RPH3A: variants seen among roughly 807,000 people sequenced by gnomAD.
RPH3A encodes rabphilin-3A.
A neutral mutation model predicts 102.2 loss-of-function variants in RPH3A; 48 were observed. That is an observed-to-expected ratio of 0.47 (90% CI 0.37 to 0.60). The LOEUF (loss-of-function observed/expected upper bound fraction) is 0.60. RPH3A is among the 20% of genes least tolerant of loss of function. The pLI, the probability that RPH3A is intolerant of heterozygous loss-of-function variation, is 0.00. For synonymous variants in RPH3A, 310 were observed against 324.3 expected (o/e 0.96, Z 0.47); for missense variants, 781 against 910.1 (o/e 0.86, Z 1.83).
chr12:112,730,575 T>A (rs1458445893), intron 1 of RPH3A, among the ~76,000 whole-genome samples: 1 of 152,190 alleles, frequency 6.6e-6, no homozygotes, highest in Non-Finnish European at 1.5e-5. Flanking sequence ...CCAGCATCTC[T>A]CTCCGCCCAA....
chr12:112,599,265 C>G (rs902198996), intron 1 of RPH3A, among the ~76,000 whole-genome samples: 1 of 152,174 alleles, frequency 6.6e-6, no homozygotes, highest in Non-Finnish European at 1.5e-5. Context: ...GCTTATAAGG[C>G]TTATGAGGGC....
intron 2 of RPH3A, among the ~76,000 whole-genome samples, chr12:112,825,686 A>G (rs2041856665): frequency 6.6e-6 from 1 of 151,916 alleles, no homozygotes; most frequent in Admixed American, 6.6e-5. Flanking sequence ...TAGGCGCCAG[A>G]CTCTATGCTA....
chr12:112,596,140 T>C (rs1033904165), intron 1 of RPH3A, among the ~76,000 whole-genome samples: 3 of 151,994 alleles, frequency 2.0e-5, no homozygotes, highest in Non-Finnish European at 4.4e-5. Flanking sequence ...GGTCTCTTCA[T>C]TTTTTTGTTT....
At chr12:112,844,174 C>A (rs2042193229) in intron 4 of RPH3A, among the ~76,000 whole-genome samples, 1 of 152,162 alleles carries the variant, frequency 6.6e-6, no homozygotes, top group African/African-American at 2.4e-5. Context: ...AGGACCTGAG[C>A]CTTGCTTCTA....
intron 19 of RPH3A, chr12:112,893,919 T>C (rs1428592744): frequency 5.3e-5 from 8 of 152,326 alleles, no homozygotes; most frequent in Non-Finnish European, 7.3e-5. Context: ...AACAGTTTGC[T>C]CAAAGGCCCT....
At chr12:112,699,381 A>G (rs2040375746) in intron 1 of RPH3A, among the ~76,000 whole-genome samples, 1 of 152,256 alleles carries the variant, frequency 6.6e-6, no homozygotes, top group Admixed American at 6.5e-5. Flanking sequence ...GACAACACAG[A>G]TGTCTGTCAA....
In RPH3A at chr12:112,875,082, A is replaced by G; in HGVS notation, c.797-2A>G. ...GGCTGTTTTCTTTTCTTTCCTCTGC[A>G]GGTTTGAGACGGGCCAACTCAGTCC... On this transcript the variant is annotated splice_acceptor_variant, in intron 10 of 21. Transcript: ENST00000389385. LOFTEE classifies it high-confidence loss of function. The G allele has an allele frequency of 6.2e-7, 1 of 1,605,518 alleles. No homozygotes were observed. The highest frequency in any genetic ancestry group is 8.5e-7 in the Non-Finnish European group (1 of 1,176,366).
At chr12:112,608,972 A>T (rs1429583801) in intron 1 of RPH3A, among the ~76,000 whole-genome samples, 1 of 152,250 alleles carries the variant, frequency 6.6e-6, no homozygotes, top group Non-Finnish European at 1.5e-5. Context: ...TAAATAAAAT[A>T]AAAAATTCAC....
At chr12:112,663,906 C>G (rs969247302) in intron 1 of RPH3A, among the ~76,000 whole-genome samples, 2 of 152,076 alleles carry the variant, frequency 1.3e-5, no homozygotes, top group Non-Finnish European at 2.9e-5. Flanking sequence ...CAAAGAAGAC[C>G]ACTGTCCATT....
At chr12:112,757,711 A>C (rs2040830823) in intron 1 of RPH3A, among the ~76,000 whole-genome samples, 1 of 152,204 alleles carries the variant, frequency 6.6e-6, no homozygotes, top group Non-Finnish European at 1.5e-5. Context: ...GCCCTCTCCC[A>C]GGGCTAAGAA....
intron 1 of RPH3A, among the ~76,000 whole-genome samples, chr12:112,708,015 T>A (rs2040436636): frequency 1.3e-5 from 2 of 152,266 alleles, no homozygotes; most frequent in Admixed American, 6.5e-5. Context: ...GCTGAAGTCG[T>A]GGGACGGGAA....
intron 1 of RPH3A, among the ~76,000 whole-genome samples, chr12:112,743,188 A>G (rs1263039815): frequency 1.3e-5 from 2 of 152,230 alleles, no homozygotes; most frequent in Non-Finnish European, 2.9e-5. Context: ...GTAAGGTAAC[A>G]TAGTCACAGG....
At chr12:112,864,386 G>A (rs2042571938) in intron 5 of RPH3A, among the ~76,000 whole-genome samples, 1 of 150,862 alleles carries the variant, frequency 6.6e-6, no homozygotes, top group African/African-American at 2.4e-5. Flanking sequence ...GGGAGGCAGA[G>A]GTTGCAGTGA....
chr12:112,648,570 CAAAA>C (rs1167121829), intron 1 of RPH3A, among the ~76,000 whole-genome samples: 6 of 11,044 alleles, frequency 5.4e-4, no homozygotes, highest in East Asian at 3.1e-3. Context: ...CCCATCTCTA[CAAAA>C]AAAAAAAAAA....
At chr12:112,584,285 G>A (rs765059461) in intron 1 of RPH3A, among the ~76,000 whole-genome samples, 1 of 152,134 alleles carries the variant, frequency 6.6e-6, no homozygotes, top group Non-Finnish European at 1.5e-5. Flanking sequence ...GGACACCACA[G>A]GGAACCCAAG....
chr12:112,598,651 G>A (rs1383416451), intron 1 of RPH3A, among the ~76,000 whole-genome samples: 4 of 152,160 alleles, frequency 2.6e-5, no homozygotes, highest in African/African-American at 9.7e-5. Context: ...TCATGAATAA[G>A]TGAAGTGGGA....
At chr12:112,681,757 C>T (rs1355827737) in intron 1 of RPH3A, among the ~76,000 whole-genome samples, 1 of 152,152 alleles carries the variant, frequency 6.6e-6, no homozygotes, top group Non-Finnish European at 1.5e-5. Context: ...TCTGACATTC[C>T]ACCAATCCAG....
chr12:112,728,538 A>G (rs1016010199), intron 1 of RPH3A, among the ~76,000 whole-genome samples: 1 of 152,148 alleles, frequency 6.6e-6, no homozygotes, highest in African/African-American at 2.4e-5. Flanking sequence ...TCAGAACTAT[A>G]AAGACTTAAG....
chr12:112,746,723 C>T (rs993019262), intron 1 of RPH3A, among the ~76,000 whole-genome samples: 3 of 152,158 alleles, frequency 2.0e-5, no homozygotes, highest in East Asian at 1.9e-4. Context: ...CCAGGTCTTT[C>T]GGCCCTGCTC....
Sources: gnomAD v4.1 joint callset for allele counts (sites outside exome capture counted in the v4.1 genomes callset) on GRCh38, gnomAD v4.1.1 for gene constraint, MANE v1.5 for transcripts, NCBI Gene and HGNC (gene_info 2026-07-23, HGNC 2026-07-21) for gene names.